LRFN5: variants seen among roughly 807,000 people sequenced by gnomAD.
The protein encoded by LRFN5 is leucine rich repeat and fibronectin type III domain containing 5, also known as leucine-rich repeat and fibronectin type-III domain-containing protein 5.
In LRFN5, 24 loss-of-function variants were observed where a neutral mutation model predicts 45.6. The observed-to-expected ratio is 0.53, with a 90% CI of 0.38 to 0.74. The LOEUF is 0.74. Among genes scored for constraint, LRFN5 ranks in the 30% least tolerant of loss-of-function variants. LRFN5 has a pLI of 0.00. For synonymous variants in LRFN5, 340 were observed against 313.8 expected (o/e 1.08, Z -0.88); for missense variants, 776 against 861.5 (o/e 0.90, Z 1.24).
chr14:41,900,036 A>ATC (rs148118978), intron 5 of LRFN5, among the ~76,000 whole-genome samples: 1 of 150,372 alleles, frequency 6.7e-6, no homozygotes, highest in East Asian at 2.0e-4. Context: ...TTCTCTTTCC[A>ATC]TCTCTCTCTC....
intron 5 of LRFN5, among the ~76,000 whole-genome samples, chr14:41,902,824 A>G (rs1204555529): frequency 2.0e-5 from 3 of 151,778 alleles, no homozygotes; most frequent in African/African-American, 4.8e-5. Context: ...CAAAGGGAGT[A>G]TATCACTTGA....
chr14:41,701,716 ACACAGAT>A (rs1882847462), intron 1 of LRFN5, among the ~76,000 whole-genome samples: 1 of 152,158 alleles, frequency 6.6e-6, no homozygotes, highest in Admixed American at 6.6e-5. Context: ...ATCTCACTTG[ACACAGAT>A]CACCAAGAGG....
chr14:41,842,069 G>C (rs935336826), intron 2 of LRFN5, among the ~76,000 whole-genome samples: 2 of 151,890 alleles, frequency 1.3e-5, no homozygotes, highest in Non-Finnish European at 2.9e-5. Context: ...AATGAATATG[G>C]TGGGACTAAT....
At chr14:41,800,004 G>C (rs76641035) in intron 2 of LRFN5, among the ~76,000 whole-genome samples, 2,255 of 151,908 alleles carry the variant, frequency 0.015, 15 homozygotes, top group Middle Eastern at 0.034. Flanking sequence ...ATTTATCACT[G>C]ATCAATTATT....
intron 1 of LRFN5, among the ~76,000 whole-genome samples, chr14:41,754,379 G>A (rs1005462481): frequency 6.6e-6 from 1 of 152,114 alleles, no homozygotes; most frequent in Admixed American, 6.6e-5. Context: ...ATTCGGCTGT[G>A]AATCCATCTG....
intron 1 of LRFN5, among the ~76,000 whole-genome samples, chr14:41,609,868 C>G (rs1343276270): frequency 6.6e-6 from 1 of 152,138 alleles, no homozygotes; most frequent in African/African-American, 2.4e-5. Context: ...CCTGATTTTC[C>G]CCCACTCGCT....
At chr14:41,739,152 A>G (rs1884576700) in intron 1 of LRFN5, among the ~76,000 whole-genome samples, 1 of 152,174 alleles carries the variant, frequency 6.6e-6, no homozygotes, top group South Asian at 2.1e-4. Context: ...TTGGGAGGCC[A>G]AAGTGGGTGG....
intron 2 of LRFN5, among the ~76,000 whole-genome samples, chr14:41,789,600 C>T (rs1886846173): frequency 6.6e-6 from 1 of 151,980 alleles, no homozygotes; most frequent in Admixed American, 6.6e-5. Context: ...AAGTCCCAAA[C>T]TCCATTTACT....
intron 2 of LRFN5, among the ~76,000 whole-genome samples, chr14:41,788,659 A>T (rs763168016): frequency 3.3e-4 from 50 of 152,104 alleles, no homozygotes; most frequent in Non-Finnish European, 6.6e-4. Context: ...AAAGGAATCT[A>T]CATTAACATG....
intron 1 of LRFN5, among the ~76,000 whole-genome samples, chr14:41,650,363 G>A (rs1361698844): frequency 6.6e-6 from 1 of 151,888 alleles, no homozygotes; most frequent in African/African-American, 2.4e-5. Flanking sequence ...GACCAATGAG[G>A]ATATGGTGAT....
chr14:41,826,883 T>C (rs1566468621), intron 2 of LRFN5, among the ~76,000 whole-genome samples: 1 of 152,140 alleles, frequency 6.6e-6, no homozygotes, highest in Non-Finnish European at 1.5e-5. Context: ...AAATAAGTAA[T>C]TATTTTGATT....
intron 4 of LRFN5, among the ~76,000 whole-genome samples, chr14:41,896,602 A>T (rs1240778455): frequency 6.6e-6 from 1 of 152,214 alleles, no homozygotes; most frequent in African/African-American, 2.4e-5. Flanking sequence ...CATTCAGAAA[A>T]GAATAATCAA....
intron 1 of LRFN5, among the ~76,000 whole-genome samples, chr14:41,627,854 G>A (rs1431704866): frequency 6.6e-6 from 1 of 152,018 alleles, no homozygotes; most frequent in Admixed American, 6.6e-5. Flanking sequence ...CTAGGTTAAG[G>A]GCCTCTTTAT....
chr14:41,610,776 C>CTT (rs144578283), intron 1 of LRFN5, among the ~76,000 whole-genome samples: 2 of 147,792 alleles, frequency 1.4e-5, no homozygotes, highest in African/African-American at 5.0e-5. Context: ...TATCTTCTCT[C>CTT]TTTTTTTTTG....
At chr14:41,684,693 G>T (rs1326472015) in intron 1 of LRFN5, among the ~76,000 whole-genome samples, 2 of 152,072 alleles carry the variant, frequency 1.3e-5, no homozygotes, top group African/African-American at 4.8e-5. Context: ...AATTTAAAAC[G>T]TAAAACAATG....
At chr14:41,628,735 TATG>T (rs2138574297) in intron 1 of LRFN5, among the ~76,000 whole-genome samples, 1 of 152,300 alleles carries the variant, frequency 6.6e-6, no homozygotes, top group South Asian at 2.1e-4. Context: ...TGAGCACCAA[TATG>T]ATGTCTGATA....
At chr14:41,613,396 C>G (rs144881157) in intron 1 of LRFN5, among the ~76,000 whole-genome samples, 138 of 152,060 alleles carry the variant, frequency 9.1e-4, no homozygotes, top group African/African-American at 3.2e-3. Flanking sequence ...ACCTATGTAA[C>G]AAACCTGCAC....
chr14:41,753,932 C>T (rs1594676509), intron 1 of LRFN5, among the ~76,000 whole-genome samples: 1 of 152,056 alleles, frequency 6.6e-6, no homozygotes, highest in Admixed American at 6.6e-5. Context: ...TTTTGAGATA[C>T]GTCCCATCAA....
At chr14:41,847,879 C>G (rs17092291) in intron 2 of LRFN5, among the ~76,000 whole-genome samples, 1 of 152,152 alleles carries the variant, frequency 6.6e-6, no homozygotes, top group Middle Eastern at 3.4e-3. Flanking sequence ...TATATAAACA[C>G]GTCATGAGGA....
Sources: gnomAD v4.1 joint callset for allele counts (sites outside exome capture counted in the v4.1 genomes callset) on GRCh38, gnomAD v4.1.1 for gene constraint, MANE v1.5 for transcripts, NCBI Gene and HGNC (gene_info 2026-07-23, HGNC 2026-07-21) for gene names.